The following CLASP1 variants were observed in gnomAD, a reference collection of about 807,000 sequenced individuals.
CLASP1 encodes the protein cytoplasmic linker associated protein 1.
A neutral mutation model predicts 192.3 loss-of-function variants in CLASP1; 38 were observed. The ratio of observed to expected loss-of-function variants is 0.20; its 90% CI spans 0.15 to 0.26. The LOEUF (loss-of-function observed/expected upper bound fraction) is 0.26. CLASP1 is among the 10% of genes least tolerant of loss of function. The probability of loss-of-function intolerance (pLI) is 1.00; values close to 1 mark genes in which losing one functional copy is unlikely to be tolerated. For synonymous variants in CLASP1, 691 were observed against 712.8 expected, an observed-to-expected ratio of 0.97 and a Z score of 0.49; for missense variants, 1,433 against 1,932.5, an observed-to-expected ratio of 0.74 and a Z score of 4.85.
chr2:121,538,148 C>T (rs2095138630), intron 2 of CLASP1, among the ~76,000 whole-genome samples: 1 of 152,160 alleles, frequency 6.6e-6, no homozygotes, highest in African/African-American at 2.4e-5. Flanking sequence ...GGTGTGGTGG[C>T]TCAGCCTGTA....
chr2:121,475,559 C>T (rs186486435), intron 8 of CLASP1, among the ~76,000 whole-genome samples: 1 of 152,294 alleles, frequency 6.6e-6, no homozygotes, highest in East Asian at 1.9e-4. Context: ...CTAAATTAAC[C>T]CATACTGAAC....
intron 20 of CLASP1, among the ~76,000 whole-genome samples, chr2:121,429,570 A>G (rs912089738): frequency 6.6e-5 from 10 of 152,338 alleles, no homozygotes; most frequent in African/African-American, 2.2e-4. Context: ...CAGAGACGCA[A>G]TCATGGAAGC....
chr2:121,462,214 A>T (rs541013886), intron 10 of CLASP1, among the ~76,000 whole-genome samples: 60 of 134,438 alleles, frequency 4.5e-4, no homozygotes, highest in African/African-American at 1.5e-3. Context: ...CTTATGAATT[A>T]AAAAAAAAAA....
chr2:121,418,543 G>T, intron 23 of CLASP1, 79 bp downstream of exon 23: 1 of 960,244 alleles, frequency 1.0e-6, no homozygotes, highest in Non-Finnish European at 1.7e-6. Context: ...AGGAAAAGCA[G>T]GTCATTCCGC....
chr2:121,521,635 A>C (rs552385973), intron 6 of CLASP1, among the ~76,000 whole-genome samples: 2 of 152,326 alleles, frequency 1.3e-5, no homozygotes, highest in East Asian at 1.9e-4. Context: ...CCCACTCTGA[A>C]AGGCCTCCCT....
intron 1 of CLASP1, among the ~76,000 whole-genome samples, chr2:121,635,712 G>A (rs2070715855): frequency 6.6e-6 from 1 of 152,166 alleles, no homozygotes. Flanking sequence ...TTCTGGACAA[G>A]AATTTTCTAA....
intron 2 of CLASP1, among the ~76,000 whole-genome samples, chr2:121,531,517 TC>T (rs1344302842): frequency 7.1e-6 from 1 of 141,638 alleles, no homozygotes; most frequent in African/African-American, 2.7e-5. Flanking sequence ...ATGGCGTGAA[TC>T]CGGGGGGGTG....
intron 6 of CLASP1, among the ~76,000 whole-genome samples, chr2:121,519,279 T>C (rs910873317): frequency 3.9e-5 from 6 of 152,150 alleles, no homozygotes; most frequent in Non-Finnish European, 5.9e-5. Context: ...GAGTGCCTAC[T>C]AGGTGAAAAT....
At chr2:121,560,103 A>C (rs1166005517) in intron 2 of CLASP1, among the ~76,000 whole-genome samples, 4 of 152,152 alleles carry the variant, frequency 2.6e-5, no homozygotes, top group Non-Finnish European at 5.9e-5. Flanking sequence ...AGCTGGGTGA[A>C]ATGTACATGG....
At chr2:121,525,378 C>T (rs531174112) in intron 6 of CLASP1, among the ~76,000 whole-genome samples, 4 of 152,244 alleles carry the variant, frequency 2.6e-5, no homozygotes, top group Admixed American at 6.5e-5. Context: ...GGAGTTTCCA[C>T]GATGATATAC....
At chr2:121,572,293 TGGC>T (rs1157149063) in intron 2 of CLASP1, among the ~76,000 whole-genome samples, 3 of 152,052 alleles carry the variant, frequency 2.0e-5, no homozygotes, top group African/African-American at 7.2e-5. Flanking sequence ...CAGGGCATGG[TGGC>T]GGGCACCTGT....
At chr2:121,471,740 G>A (rs2090770143) in intron 8 of CLASP1, among the ~76,000 whole-genome samples, 1 of 152,090 alleles carries the variant, frequency 6.6e-6, no homozygotes, top group Non-Finnish European at 1.5e-5. Flanking sequence ...CTTTCACTGT[G>A]CCTTTAAATC....
chr2:121,644,440 A>G (rs752441844), intron 1 of CLASP1, among the ~76,000 whole-genome samples: 1 of 152,048 alleles, frequency 6.6e-6, no homozygotes, highest in African/African-American at 2.4e-5. Context: ...ACCTGAGGTC[A>G]GGAGTTTGAG....
intron 34 of CLASP1, among the ~76,000 whole-genome samples, chr2:121,370,142 C>A (rs1043423020): frequency 1.3e-5 from 2 of 152,228 alleles, no homozygotes; most frequent in African/African-American, 4.8e-5. Context: ...CCTACTGCAT[C>A]TGACATTCAT....
chr2:121,528,519 C>T (rs914486959), intron 4 of CLASP1, among the ~76,000 whole-genome samples, 158 bp downstream of exon 4: 1 of 152,216 alleles, frequency 6.6e-6, no homozygotes, highest in East Asian at 1.9e-4. Flanking sequence ...AAATATCTTG[C>T]ATGGGGAAAC....
intron 1 of CLASP1, among the ~76,000 whole-genome samples, chr2:121,626,817 A>AT (rs1349067136): frequency 6.6e-6 from 1 of 152,186 alleles, no homozygotes; most frequent in East Asian, 1.9e-4. Flanking sequence ...ATAGATACAC[A>AT]TCTCTGAGTA....
intron 8 of CLASP1, among the ~76,000 whole-genome samples, chr2:121,496,161 T>C (rs1575462174): frequency 6.6e-6 from 1 of 152,260 alleles, no homozygotes; most frequent in Non-Finnish European, 1.5e-5. Context: ...CTGTTTGGCA[T>C]ACACAGTCAC....
At chr2:121,558,692 T>C (rs2058799621) in intron 2 of CLASP1, among the ~76,000 whole-genome samples, 1 of 152,184 alleles carries the variant, frequency 6.6e-6, no homozygotes, top group South Asian at 2.1e-4. Context: ...CCCTCACGCC[T>C]ATAAGAAAAA....
chr2:121,623,050 T>C (rs1344962689), intron 1 of CLASP1, among the ~76,000 whole-genome samples: 1 of 151,936 alleles, frequency 6.6e-6, no homozygotes, highest in African/African-American at 2.4e-5. Flanking sequence ...ATAGTAAAAC[T>C]CCGTCTATAT....
Sources: allele counts gnomAD v4.1 joint callset (sites outside exome capture counted in the v4.1 genomes callset), GRCh38; gene constraint gnomAD v4.1.1; transcripts MANE v1.5; gene names NCBI Gene and HGNC (gene_info 2026-07-23, HGNC 2026-07-21).